The following DDX3Y variants were observed in gnomAD, a reference collection of about 807,000 sequenced individuals.
The protein encoded by DDX3Y is DEAD-box helicase 3 Y-linked, also known as ATP-dependent RNA helicase DDX3Y.
A neutral mutation model predicts 15.1 loss-of-function variants in DDX3Y; 2 were observed. That is an observed-to-expected ratio of 0.13 (90% CI 0.05 to 0.42). The LOEUF is 0.42. Among genes scored for constraint, DDX3Y ranks in the 10% least tolerant of loss-of-function variants. The pLI is 0.99. For missense variants in DDX3Y, 81 were observed against 149.9 expected (o/e 0.54, Z 2.40); for synonymous variants, 47 against 45.0 (o/e 1.04, Z -0.18).
At position 12,918,984 on chromosome Y, in the gene DDX3Y, C is replaced by G; in HGVS notation, c.*862C>G. 3.0e-5 allele frequency: 1 copy of G among 32,971 alleles called. No homozygotes were observed. The highest frequency in any genetic ancestry group is 7.4e-5 in the Non-Finnish European group (1 of 13,431). The allele number at this position is 32,971 out of a possible 400,897, so 8.2% of individuals were successfully genotyped here. A position where few individuals can be genotyped will look rare whatever the true frequency, so the allele number is the denominator to read the frequency against. On this transcript the variant is annotated 3_prime_UTR_variant, in exon 17 of 17. Transcript: ENST00000336079. ...ATTTAATCAGTTTTTTTAATGCCTG[C>G]TATAAAAATTTGAAATATTAGAATG...
chrY:12,905,822 G>A, intron 1 of DDX3Y: 1 of 294,847 alleles, frequency 3.4e-6, no homozygotes, highest in Non-Finnish European at 4.7e-6. Context: ...GAAGGTTAGA[G>A]ATCCAGCATT....
chrY:12,919,527 C>T lies in DDX3Y; in HGVS notation c.*1405C>T. ...AAGTGTATTGTGCCTTGTTCTAAAA[C>T]TTTTAAGTAGGTGCACTTGACAGTA... On this transcript the variant is annotated 3_prime_UTR_variant, in exon 17 of 17. Transcript: ENST00000336079. 1 of 34,052 alleles carries T rather than the reference C, an allele frequency of 2.9e-5. No homozygotes were observed. Among genetic ancestry groups the T allele is most frequent in the Non-Finnish European group, 7.3e-5 (1 of 13,666 alleles). The allele number at this position is 34,052 out of a possible 400,897, so 8.5% of individuals were successfully genotyped here. A position where few individuals can be genotyped will look rare whatever the true frequency, so the allele number is the denominator to read the frequency against.
intron 2 of DDX3Y, among the ~76,000 whole-genome samples, chrY:12,908,200 TAA>T (rs2053617217): frequency 5.9e-5 from 2 of 33,996 alleles, no homozygotes; most frequent in South Asian, 1.3e-3. Flanking sequence ...AAATTAGTTA[TAA>T]AGACATTCTT....
At position 12,918,224 on chromosome Y, in the gene DDX3Y, T is replaced by C; in HGVS notation, c.*102T>C. 7.2e-6 allele frequency: 1 copy of C among 139,146 alleles called. No homozygotes were observed. The highest frequency in any genetic ancestry group is 1.3e-5 in the Non-Finnish European group (1 of 79,777). 34.7% of individuals were successfully genotyped at this position (139,146 alleles called of 400,897 possible). On this transcript the variant is annotated 3_prime_UTR_variant, in exon 17 of 17. Transcript: ENST00000336079. ...GTAGCTTCAAGAACTTGCAGTACATTACCAGCTGTGATTCTCCTGATAATT... is the reference window on the plus strand; with the variant it reads ...GTAGCTTCAAGAACTTGCAGTACATCACCAGCTGTGATTCTCCTGATAATT...
At chrY:12,916,727 G>T in intron 14 of DDX3Y, 93 bp downstream of exon 14, 3 of 260,422 alleles carry the variant, frequency 1.2e-5, no homozygotes, top group South Asian at 1.1e-4. Flanking sequence ...TATTTTTGAG[G>T]TAAAATTTCA....
In DDX3Y at chrY:12,920,376, T is replaced by G; in HGVS notation, c.*2254T>G. On this transcript the variant is annotated 3_prime_UTR_variant, in exon 17 of 17. Coordinates refer to ENST00000336079, the MANE Select transcript of DDX3Y (RefSeq NM_004660.5). ...CTGAATGTAATCATTGAACCTCGAG[T>G]CACTGTAAAAGTTCAGTAATTGCTT... 2.9e-5 allele frequency: 1 copy of G among 34,020 alleles called. No individual in the cohort carries two copies. Among genetic ancestry groups the G allele is most frequent in the South Asian group, 6.3e-4 (1 of 1,581 alleles). The allele number at this position is 34,020 out of a possible 400,897, so 8.5% of individuals were successfully genotyped here.
At chrY:12,910,654 T>C (rs764606996) in intron 3 of DDX3Y, among the ~76,000 whole-genome samples, 19 of 33,483 alleles carry the variant, frequency 5.7e-4, no homozygotes, top group African/African-American at 2.1e-3. Flanking sequence ...AACATGGAAA[T>C]TCCTTGTTTT....
At chrY:12,912,153 A>G in intron 4 of DDX3Y, among the ~76,000 whole-genome samples, 185 bp downstream of exon 4, 1 of 33,885 alleles carries the variant, frequency 3.0e-5, no homozygotes. Context: ...ATTAAATTAG[A>G]TGAATATGGT....
chrY:12,912,283 T>A, intron 4 of DDX3Y, among the ~76,000 whole-genome samples: 1 of 33,719 alleles, frequency 3.0e-5, no homozygotes, highest in Non-Finnish European at 7.4e-5. Flanking sequence ...ATGGCTGTAT[T>A]TAATCCTTTC....
chrY:12,914,366 G>T, intron 7 of DDX3Y, among the ~76,000 whole-genome samples, 198 bp from the exon 8 acceptor site: 2 of 34,090 alleles, frequency 5.9e-5, no homozygotes, highest in Non-Finnish European at 1.5e-4. Flanking sequence ...CAGAAAAATG[G>T]TTGTGTTTTG....
At chrY:12,904,830 C>T, upstream of DDX3Y, 2 of 269,312 alleles carry the variant, frequency 7.4e-6, no homozygotes, top group Non-Finnish European at 1.2e-5. Flanking sequence ...GCCATATTAC[C>T]GCGTAGGCTA....
intron 6 of DDX3Y, 70 bp from the exon 7 acceptor site, chrY:12,913,648 C>G: frequency 3.1e-6 from 1 of 324,415 alleles, no homozygotes; most frequent in Non-Finnish European, 4.5e-6. Flanking sequence ...ACAGATACAG[C>G]ATTTTATATC....
At position 12,917,077 on chromosome Y, in the gene DDX3Y, G is replaced by A. The variant is rs1372791166; in HGVS notation, c.1763+17G>A. On this transcript the variant is annotated intron_variant, in intron 15 of 16. Coordinates refer to ENST00000336079, the MANE Select transcript of DDX3Y (RefSeq NM_004660.5). The stretch of plus-strand genomic sequence containing the variant: ...ATCTAAAAGGTACACACTGTTTCGA[G>A]CCTTCACTCTTGTTATTGCTTACTA... 2.5e-6 allele frequency: 1 copy of A among 393,965 alleles called. No individual in the cohort carries two copies. The highest frequency in any genetic ancestry group is 6.2e-5 in the African/African-American group (1 of 16,221).
At chrY:12,913,386 G>A (rs2053635738) in intron 6 of DDX3Y, among the ~76,000 whole-genome samples, 2 of 33,178 alleles carry the variant, frequency 6.0e-5, no homozygotes, top group East Asian at 7.9e-4. Flanking sequence ...ACAGGGTTTC[G>A]CCATGTTGGC....
rs2032636 is a variant in DDX3Y, at chrY:12,915,617, G to T, written c.1020-13G>T. On this transcript the variant is annotated splice_polypyrimidine_tract_variant and intron_variant, in intron 10 of 16. Coordinates refer to ENST00000336079, the MANE Select transcript of DDX3Y (RefSeq NM_004660.5). Reference sequence around the variant, plus strand: ...TCTAATAATCCAGTATCAACTGAGGGTTTTCGTAATAGGTACTTAGTGTTG... The same window carrying T: ...TCTAATAATCCAGTATCAACTGAGGTTTTTCGTAATAGGTACTTAGTGTTG... 9,882 of 393,486 alleles carry T rather than the reference G, an allele frequency of 0.025. No individual in the cohort carries two copies. The highest frequency in any genetic ancestry group is 0.07 in the Middle Eastern group (119 of 1,696).
Position 12,912,805 on chromosome Y carries a change from T to A in DDX3Y, c.360T>A (p.Ser120Arg). The A allele has an allele frequency of 2.5e-6, 1 of 398,577 alleles. No individual in the cohort carries two copies. Among genetic ancestry groups the A allele is most frequent in the African/African-American group, 6.2e-5 (1 of 16,247 alleles). The change falls in exon 5 of 17, where the codon AGT becomes AGA. Residue 120 changes from serine (S) to arginine (R), a missense_variant. Physicochemically the swap from Ser to Arg is moderately radical, Grantham distance 110. This residue lies in a region of DDX3Y where 29 missense variants were observed against 27.1 expected (regional missense o/e 1.07). Transcript: ENST00000336079. ...CTGGCTTTGGCAGATTTGAACGGAG[T>A]GGACATAGTCGTTGGTGTGACAAGT... ...ERPGFGRFER[S>R]GHSRWCDKSV...
At chrY:12,916,485 C>A in intron 13 of DDX3Y, 32 bp from the exon 14 acceptor site, 1 of 311,638 alleles carries the variant, frequency 3.2e-6, no homozygotes, top group South Asian at 3.7e-5. Flanking sequence ...GTGGATAGTG[C>A]TTTTTTTTTT....
At position 12,920,292 on chromosome Y, in the gene DDX3Y, G is replaced by C; in HGVS notation, c.*2170G>C. Reference sequence around the variant, plus strand: ...CTCAAACATGGTTATTTCTGTCAGTGACTTAACATTCGGTTTTATCAGCCA... The same window carrying C: ...CTCAAACATGGTTATTTCTGTCAGTCACTTAACATTCGGTTTTATCAGCCA... On this transcript the variant is annotated 3_prime_UTR_variant, in exon 17 of 17. Transcript: ENST00000336079. The C allele has an allele frequency of 3.0e-5, 1 of 33,623 alleles. No homozygotes were observed. Among genetic ancestry groups the C allele is most frequent in the Non-Finnish European group, 7.4e-5 (1 of 13,552 alleles). The allele number at this position is 33,623 out of a possible 400,897, so 8.4% of individuals were successfully genotyped here.
chrY:12,915,155 A>G lies in DDX3Y; in HGVS notation c.947A>G (p.His316Arg). 2.5e-6 allele frequency: 1 copy of G among 398,596 alleles called. No individual in the cohort carries two copies. The highest frequency in any genetic ancestry group is 3.5e-6 in the Non-Finnish European group (1 of 283,383). Residue 316 changes from histidine (H) to arginine (R), a missense_variant, in exon 10 of 17, where the codon CAC (histidine) becomes CGC (arginine). By Grantham distance (29) the His-to-Arg change is conservative (BLOSUM62 0). Transcript: ENST00000336079. ...QQIRDLERGCHLLVATPGRLV... is the reference protein window; with the variant it reads ...QQIRDLERGCRLLVATPGRLV... ...ATTCGGGACTTAGAACGTGGATGCC[A>G]CTTGTTAGTAGCCACTCCAGGACGT... is the stretch of plus-strand genomic sequence containing the variant.
Sources: allele counts gnomAD v4.1 joint callset (sites outside exome capture counted in the v4.1 genomes callset), GRCh38; gene constraint gnomAD v4.1.1; regional missense constraint gnomAD v4.1.1; transcripts MANE v1.5; gene names NCBI Gene and HGNC (gene_info 2026-07-23, HGNC 2026-07-21).